RNF32: variants seen among roughly 807,000 people sequenced by gnomAD.
RNF32 encodes the protein ring finger protein 32.
A neutral mutation model predicts 41.0 loss-of-function variants in RNF32; 36 were observed. The observed-to-expected ratio is 0.88, with a 90% CI of 0.67 to 1.16. RNF32 has a LOEUF of 1.16. RNF32 is among the 50% of genes most tolerant of loss of function. The pLI, the probability that RNF32 is intolerant of heterozygous loss-of-function variation, is 0.00. For missense variants in RNF32, 413 were observed against 436.7 expected (o/e 0.95, Z 0.48); for synonymous variants, 154 against 160.9 (o/e 0.96, Z 0.32).
chr7:156,653,723 G>A (rs535108288), intron 3 of RNF32, among the ~76,000 whole-genome samples: 7 of 152,206 alleles, frequency 4.6e-5, no homozygotes, highest in East Asian at 1.9e-4. Context: ...GTTTCCCACC[G>A]CACTATCAGC....
chr7:156,646,401 C>A lies in RNF32; in HGVS notation c.274+1644C>A, dbSNP rs928408731. The A allele has an allele frequency of 5.4e-6, 7 of 1,302,802 alleles. No individual in the cohort carries two copies. The Admixed American group carries it at 9.2e-5, about 17-fold the overall frequency. 80.7% of individuals were successfully genotyped at this position (1,302,802 alleles called of 1,614,324 possible). On this transcript the variant is annotated intron_variant, in intron 3 of 8. Transcript: ENST00000317955. ...ACTCCAATCTCTGCCTCTGACTTCA[C>A]AAAACCTTCTTCTCTAGGTGTGATT...
At chr7:156,648,358 G>A (rs1338649653) in intron 3 of RNF32, among the ~76,000 whole-genome samples, 2 of 152,110 alleles carry the variant, frequency 1.3e-5, no homozygotes, top group East Asian at 1.9e-4. Flanking sequence ...CAAGCTCGAT[G>A]TCTTCTAGAA....
chr7:156,671,659 G>A (rs191862038), intron 7 of RNF32, among the ~76,000 whole-genome samples: 11 of 152,242 alleles, frequency 7.2e-5, no homozygotes, highest in East Asian at 1.9e-4. Flanking sequence ...CGATGTTTGC[G>A]GTACAGGCGG....
At position 156,668,474 on chromosome 7, in the gene RNF32, C is replaced by T. The variant is rs369888684; in HGVS notation, c.685-7222C>T. On this transcript the variant is annotated intron_variant, in intron 7 of 8. Coordinates refer to ENST00000317955, the MANE Select transcript of RNF32 (RefSeq NM_030936.4). ...GAGGACAGAGGCTGTTGAGGGGAGG[C>T]GGGTGGAGCCGGGCTCCAGTGACTT... 9.0e-4 allele frequency among the ~76,000 whole-genome samples: 137 copies of T among 152,258 alleles called. 4 individuals are homozygous for T. Among genetic ancestry groups the T allele is most frequent in the East Asian group, 7.7e-4 (4 of 5,186 alleles).
In RNF32 at chr7:156,675,781, T is replaced by C. The variant is rs73744315; in HGVS notation, c.770T>C (p.Ile257Thr). 8.7e-4 allele frequency: 1,403 copies of C among 1,613,850 alleles called. 14 individuals carry two copies. The African/African-American group carries it at 0.016, about 18-fold the overall frequency. Reference protein sequence around the residue: ...LFAEIDQCLAINRSVLQQLEE... With the variant: ...LFAEIDQCLATNRSVLQQLEE... ...GCAGAAATCGATCAGTGCTTGGCCA[T>C]AAATCGAAGTGTTCTTCAGCAGTTG... The change falls in exon 8 of 9, where the codon ATA (isoleucine) becomes ACA (threonine). Residue 257 changes from isoleucine (I) to threonine (T), a missense_variant. Ile to Thr is a moderately conservative substitution (Grantham distance 89, BLOSUM62 -1). Coordinates refer to ENST00000317955, the MANE Select transcript of RNF32 (RefSeq NM_030936.4).
In RNF32 at chr7:156,658,151, G is replaced by A. The variant is rs1455076935; in HGVS notation, c.474G>A (p.Lys158=). 1 of 1,614,052 alleles carries A rather than the reference G, an allele frequency of 6.2e-7. No homozygotes were observed. Among genetic ancestry groups the A allele is most frequent in the Non-Finnish European group, 8.5e-7 (1 of 1,179,956 alleles). Residue 158 remains lysine, a synonymous_variant, in exon 6 of 9, where the codon AAG becomes AAA. Transcript: ENST00000317955. ...AGGCATGTCTTCAGGCTTTTGAAAA[G>A]TTCACAAATAAGAAAACCTGTCCTC... ...FHKACLQAFE[K]FTNKKTCPLC... is the part of the protein sequence containing the mutation.
chr7:156,660,269 T>C lies in RNF32; in HGVS notation c.684+1699T>C, dbSNP rs572150399. 10 of 985,274 alleles carry C rather than the reference T, an allele frequency of 1.0e-5. No individual in the cohort carries two copies. The African/African-American group carries it at 1.7e-4, about 17-fold the overall frequency. The allele number at this position is 985,274 out of a possible 1,614,324, so 61.0% of individuals were successfully genotyped here. A position where few individuals can be genotyped will look rare whatever the true frequency, so the allele number is the denominator to read the frequency against. On this transcript the variant is annotated intron_variant, in intron 7 of 8. Coordinates refer to ENST00000317955, the MANE Select transcript of RNF32 (RefSeq NM_030936.4). ...AGCTGAAGCTTTCTTCCAATTTCTT[T>C]GGTCTTCTCTAAACCTCTATTGTAT...
chr7:156,656,196 A>G (rs1204908395), intron 4 of RNF32, among the ~76,000 whole-genome samples: 1 of 152,238 alleles, frequency 6.6e-6, no homozygotes, highest in Non-Finnish European at 1.5e-5. Flanking sequence ...CAAATGACTC[A>G]TAGTAGGCCG....
At chr7:156,659,681 C>G (rs1209180847) in intron 7 of RNF32, 2 of 921,940 alleles carry the variant, frequency 2.2e-6, no homozygotes, top group African/African-American at 3.6e-5. Flanking sequence ...AGATAAAGGC[C>G]CACTGAAAGT....
intron 3 of RNF32, among the ~76,000 whole-genome samples, chr7:156,652,735 A>C (rs1798921773): frequency 6.6e-6 from 1 of 151,832 alleles, no homozygotes; most frequent in Non-Finnish European, 1.5e-5. Flanking sequence ...TTATAGAATA[A>C]GGATAAGAAA....
At chr7:156,643,399 TC>T (rs1348826177) in intron 1 of RNF32, among the ~76,000 whole-genome samples, 1 of 152,218 alleles carries the variant, frequency 6.6e-6, no homozygotes, top group Non-Finnish European at 1.5e-5. Flanking sequence ...GCCTGCCAGT[TC>T]TTTCCTCCTA....
chr7:156,656,976 C>A (rs1459965863), intron 4 of RNF32, among the ~76,000 whole-genome samples: 5 of 152,222 alleles, frequency 3.3e-5, no homozygotes, highest in African/African-American at 1.2e-4. Flanking sequence ...CAGTATATCA[C>A]TGTTTAGTGG....
At chr7:156,659,151 C>T (rs955368091) in intron 7 of RNF32, 33 of 1,238,636 alleles carry the variant, frequency 2.7e-5, no homozygotes, top group Non-Finnish European at 3.3e-5. Flanking sequence ...CAGTCCTACC[C>T]CATCAGCCTG....
At chr7:156,646,961 C>T (rs1194712114) in intron 3 of RNF32, among the ~76,000 whole-genome samples, 2 of 152,158 alleles carry the variant, frequency 1.3e-5, no homozygotes, top group Non-Finnish European at 2.9e-5. Context: ...AAGTGATTCT[C>T]GTGCCTCAGC....
At chr7:156,640,838 G>C (rs985343870) in intron 1 of RNF32, 27 bp downstream of exon 1, 5 of 199,066 alleles carry the variant, frequency 2.5e-5, no homozygotes, top group African/African-American at 1.2e-4. Flanking sequence ...GGGGAGGGAC[G>C]GAAAGAAGGG....
chr7:156,650,261 C>T (rs907863730), intron 3 of RNF32, among the ~76,000 whole-genome samples: 26 of 152,190 alleles, frequency 1.7e-4, no homozygotes, highest in African/African-American at 6.3e-4. Flanking sequence ...CAGGGTCAGT[C>T]CTCAACAACA....
chr7:156,648,786 A>G (rs1201673832), intron 3 of RNF32, among the ~76,000 whole-genome samples: 1 of 152,140 alleles, frequency 6.6e-6, no homozygotes, highest in Admixed American at 6.5e-5. Flanking sequence ...CTGTTCTTTT[A>G]CCATCTTTTA....
At chr7:156,665,810 TA>T (rs1801263536) in intron 7 of RNF32, among the ~76,000 whole-genome samples, 1 of 152,328 alleles carries the variant, frequency 6.6e-6, no homozygotes, top group East Asian at 1.9e-4. Flanking sequence ...GCCAACTTTT[TA>T]AACTTACCTT....
chr7:156,659,703 C>T (rs775824237), intron 7 of RNF32: 3 of 856,624 alleles, frequency 3.5e-6, no homozygotes, highest in Non-Finnish European at 4.2e-6. Context: ...TTGGTGGTCT[C>T]AGCCCATTGA....
Sources: gnomAD v4.1 joint callset for allele counts (sites outside exome capture counted in the v4.1 genomes callset) on GRCh38, gnomAD v4.1.1 for gene constraint, MANE v1.5 for transcripts, NCBI Gene and HGNC (gene_info 2026-07-23, HGNC 2026-07-21) for gene names.